Variants in TESC observed in about 807,000 individuals in gnomAD.
TESC encodes tescalcin, also known as calcineurin B homologous protein 3.
A neutral mutation model predicts 31.0 loss-of-function variants in TESC; 19 were observed. The ratio of observed to expected loss-of-function variants is 0.61; its 90% CI spans 0.43 to 0.90. TESC has a LOEUF of 0.90. Ranked by LOEUF, TESC falls within the 40% of genes least tolerant of loss-of-function variation. The pLI is 0.00. For missense variants in TESC, 248 were observed against 303.8 expected, an observed-to-expected ratio of 0.82 and a Z score of 1.36; for synonymous variants, 109 against 114.8, an observed-to-expected ratio of 0.95 and a Z score of 0.32.
intron 1 of TESC, among the ~76,000 whole-genome samples, chr12:117,075,915 G>GTGTT (rs1955062589): frequency 2.0e-5 from 1 of 50,720 alleles, no homozygotes; most frequent in Non-Finnish European, 3.7e-5. Flanking sequence ...ATATATATAT[G>GTGTT]TGTGTGTGTA....
intron 1 of TESC, among the ~76,000 whole-genome samples, chr12:117,078,604 G>A (rs1955104346): frequency 2.0e-5 from 3 of 152,274 alleles, no homozygotes; most frequent in South Asian, 4.1e-4. Flanking sequence ...TGACAGTTGT[G>A]TATTTGCATA....
At chr12:117,055,211 G>T (rs143465744) in intron 3 of TESC, among the ~76,000 whole-genome samples, 1 of 152,098 alleles carries the variant, frequency 6.6e-6, no homozygotes, top group Non-Finnish European at 1.5e-5. Flanking sequence ...GTGCAATCTC[G>T]ACTTACTGCA....
chr12:117,098,948 G>A (rs1167596346), intron 1 of TESC, among the ~76,000 whole-genome samples: 2 of 152,102 alleles, frequency 1.3e-5, no homozygotes, highest in Non-Finnish European at 2.9e-5. Context: ...TGGGAAGCCT[G>A]GGCCCCGCTC....
At chr12:117,082,501 TA>T (rs780175960) in intron 1 of TESC, among the ~76,000 whole-genome samples, 5,334 of 124,538 alleles carry the variant, frequency 0.043, 224 homozygotes, top group African/African-American at 0.12. Flanking sequence ...AGACTTTGTC[TA>T]AAAAAAAAAA....
chr12:117,080,585 G>A (rs1339902722), intron 1 of TESC, among the ~76,000 whole-genome samples: 1 of 152,194 alleles, frequency 6.6e-6, no homozygotes, highest in African/African-American at 2.4e-5. Flanking sequence ...AATCCCTAGA[G>A]CCAAGGGCTC....
intron 2 of TESC, among the ~76,000 whole-genome samples, chr12:117,070,460 G>T (rs543309880): frequency 6.6e-6 from 1 of 152,140 alleles, no homozygotes; most frequent in Non-Finnish European, 1.5e-5. Flanking sequence ...CAGCTGACAC[G>T]AACCTCGAAG....
chr12:117,056,806 C>G lies in TESC; in HGVS notation c.209G>C (p.Arg70Thr), dbSNP rs1307838890. The G allele has an allele frequency of 6.2e-7, 1 of 1,614,000 alleles. No individual in the cohort carries two copies. Among genetic ancestry groups the G allele is most frequent in the Non-Finnish European group, 8.5e-7 (1 of 1,180,008 alleles). Residue 70 changes from arginine to threonine, a missense_variant and splice_region_variant, in exon 3 of 8, where the codon AGG becomes ACG. Arg to Thr is a moderately conservative substitution (Grantham distance 71). Coordinates refer to ENST00000335209, the MANE Select transcript of TESC (RefSeq NM_017899.4). ...GGCTGGTTCAGGGGAAAACGCCCAC[C>G]TGTTGTCGAAGAAGGCACGAACAAT... The part of the protein sequence containing the change: ...SKIVRAFFDN[R>T]NLRKGPSGLA...
intron 3 of TESC, among the ~76,000 whole-genome samples, chr12:117,053,607 T>C (rs546095007): frequency 1.0e-3 from 154 of 152,218 alleles, no homozygotes; most frequent in South Asian, 4.4e-3. Flanking sequence ...AATCCACCTC[T>C]CATCTCATCC....
At chr12:117,075,915 G>GTATGTATATATA (rs1565971663) in intron 1 of TESC, among the ~76,000 whole-genome samples, 1 of 50,720 alleles carries the variant, frequency 2.0e-5, no homozygotes, top group African/African-American at 1.1e-4. Context: ...ATATATATAT[G>GTATGTATATATA]TGTGTGTGTA....
At position 117,077,872 on chromosome 12, in the gene TESC, C is replaced by G. The variant is rs139940339; in HGVS notation, c.59-2532G>C. Among the ~76,000 whole-genome samples the G allele has an allele frequency of 2.6e-5, 4 of 151,926 alleles. No homozygotes were observed. The East Asian group carries it at 7.7e-4, about 29-fold the overall frequency. ...TAGATCTCCGTACACTTTACATAGT[C>G]GTGTTCTCGGAAACCTCAAAGAGCT... is the stretch of plus-strand genomic sequence containing the variant. On this transcript the variant is annotated intron_variant, in intron 1 of 7. Transcript: ENST00000335209.
chr12:117,046,515 G>T (rs1209210992), intron 6 of TESC, 44 bp downstream of exon 6: 3 of 1,511,588 alleles, frequency 2.0e-6, no homozygotes, highest in East Asian at 5.0e-5. Flanking sequence ...GACCATAAGC[G>T]GGAAAGGCAC....
chr12:117,082,674 C>G (rs1955165154), intron 1 of TESC, among the ~76,000 whole-genome samples: 1 of 152,022 alleles, frequency 6.6e-6, no homozygotes, highest in South Asian at 2.1e-4. Context: ...ATCCAACAGA[C>G]TAAGATCTCA....
intron 3 of TESC, among the ~76,000 whole-genome samples, chr12:117,050,544 G>A (rs1954634001): frequency 1.3e-5 from 2 of 152,230 alleles, no homozygotes; most frequent in South Asian, 2.1e-4. Flanking sequence ...GGGGGATGGG[G>A]ACACAGGGAG....
intron 2 of TESC, among the ~76,000 whole-genome samples, chr12:117,063,586 CG>C (rs1318129932): frequency 6.6e-6 from 1 of 152,214 alleles, no homozygotes; most frequent in African/African-American, 2.4e-5. Flanking sequence ...CAAGGCTAAC[CG>C]ACCTCCAAGG....
chr12:117,079,332 C>T lies in TESC; in HGVS notation c.59-3992G>A, dbSNP rs144667789. Reference sequence around the variant, plus strand: ...ATACCAGCACTTTGGGGGGCTGAGGCGGGTGGATCACTTGAGGTCAGGAGT... The same window carrying T: ...ATACCAGCACTTTGGGGGGCTGAGGTGGGTGGATCACTTGAGGTCAGGAGT... On this transcript the variant is annotated intron_variant, in intron 1 of 7. Coordinates refer to ENST00000335209, the MANE Select transcript of TESC (RefSeq NM_017899.4). Among the ~76,000 whole-genome samples, 638 of 152,050 alleles carry T rather than the reference C, an allele frequency of 4.2e-3. 5 individuals are homozygous for T. Among genetic ancestry groups the T allele is most frequent in the African/African-American group, 0.015 (622 of 41,484 alleles).
intron 1 of TESC, among the ~76,000 whole-genome samples, chr12:117,077,233 T>C (rs1370503664): frequency 6.6e-6 from 1 of 152,194 alleles, no homozygotes; most frequent in Non-Finnish European, 1.5e-5. Flanking sequence ...GATCAGCTCA[T>C]CTCTTCCTTT....
intron 2 of TESC, among the ~76,000 whole-genome samples, chr12:117,066,587 G>A (rs1181156263): frequency 6.6e-6 from 1 of 151,930 alleles, no homozygotes; most frequent in Admixed American, 6.6e-5. Flanking sequence ...GGATGGTCTC[G>A]ATCTCCTGAC....
At position 117,056,998 on chromosome 12, in the gene TESC, C is replaced by T. The variant is rs1274072207; in HGVS notation, c.129-112G>A. 14 of 991,326 alleles carry T rather than the reference C, an allele frequency of 1.4e-5. No individual in the cohort carries two copies. The African/African-American group carries it at 2.2e-4, about 16-fold the overall frequency. The allele number at this position is 991,326 out of a possible 1,614,324, so 61.4% of individuals were successfully genotyped here. A position where few individuals can be genotyped will look rare whatever the true frequency, so the allele number is the denominator to read the frequency against. ...ATTTTGGATCCCTAACAGGCCCCCA[C>T]AAGAATAGTTCAGAGTTAGGAGACA... On this transcript the variant is annotated intron_variant, in intron 2 of 7. Coordinates refer to ENST00000335209, the MANE Select transcript of TESC (RefSeq NM_017899.4).
intron 7 of TESC, 60 bp downstream of exon 7, chr12:117,041,887 C>G: frequency 6.6e-7 from 1 of 1,521,134 alleles, no homozygotes. Context: ...CCCCTCCTGA[C>G]CAGTGGGCCA....
Sources: gnomAD v4.1 joint callset for allele counts (sites outside exome capture counted in the v4.1 genomes callset) on GRCh38, gnomAD v4.1.1 for gene constraint, MANE v1.5 for transcripts, NCBI Gene and HGNC (gene_info 2026-07-23, HGNC 2026-07-21) for gene names.